Variants in CRACDL observed in about 807,000 individuals in gnomAD.
CRACDL encodes CRACD-like protein.
CRACDL carries 26 observed loss-of-function variants against 70.6 expected under a neutral mutation model. The ratio of observed to expected loss-of-function variants is 0.37; its 90% confidence interval spans 0.27 to 0.51. The LOEUF (loss-of-function observed/expected upper bound fraction) is 0.51, where lower values mean the gene tolerates loss of function less well. CRACDL is among the 20% of genes least tolerant of loss of function. The probability of loss-of-function intolerance (pLI) is 0.94; values close to 1 mark genes in which losing one functional copy is unlikely to be tolerated. For missense variants in CRACDL, 1,283 were observed against 1,376.9 expected, an observed-to-expected ratio of 0.93 and a Z score of 1.08; for synonymous variants, 618 against 615.2, an observed-to-expected ratio of 1.00 and a Z score of -0.07.
rs1361209305 is a variant in CRACDL, at chr2:98,823,106, C to T, written c.1167G>A (p.Glu389=). The change falls in exon 7 of 10, where the codon GAG becomes GAA. Residue 389 remains glutamate (E), a synonymous_variant. Coordinates refer to ENST00000397899, the MANE Select transcript of CRACDL (RefSeq NM_207362.3). The surrounding 1 kb of genome is among the most constrained non-coding windows in gnomAD (Gnocchi z 4.0). ...GPCAPATDKA[E]EVVCAPEDVA... ...CGTCTTCGGGAGCACAGACCACCTC[C>T]TCCGCCTTGTCCGTGGCCGGGGCAC... 6.3e-7 allele frequency: 1 copy of T among 1,578,654 alleles called. No individual in the cohort carries two copies. The highest frequency in any genetic ancestry group is 1.2e-5 in the South Asian group (1 of 86,894).
At position 98,832,435 on chromosome 2, in the gene CRACDL, G is replaced by T; in HGVS notation, c.453C>A (p.Ala151=). ...GCCCGTCGTCCTCAGAGCTCATGCC[G>T]GCATCCTCTCCCCGCTTGGCAGGAA... is the stretch of plus-strand genomic sequence containing the variant. ...GGLPAKRGED[A]GMSSEDDGLP... Residue 151 remains alanine (A), a synonymous_variant, in exon 5 of 10, where the codon GCC becomes GCA. Coordinates refer to ENST00000397899, the MANE Select transcript of CRACDL (RefSeq NM_207362.3). 6.2e-7 allele frequency: 1 copy of T among 1,614,074 alleles called. No individual in the cohort carries two copies.
intron 1 of CRACDL, among the ~76,000 whole-genome samples, chr2:98,858,967 A>G (rs1276115589): frequency 6.6e-6 from 1 of 152,250 alleles, no homozygotes; most frequent in Non-Finnish European, 1.5e-5. Flanking sequence ...GAATAGACTT[A>G]TAATAAGAAA....
At chr2:98,872,313 G>A (rs1471313654) in intron 1 of CRACDL, among the ~76,000 whole-genome samples, 5 of 152,180 alleles carry the variant, frequency 3.3e-5, no homozygotes, top group East Asian at 1.9e-4. Flanking sequence ...AGCTGAGATC[G>A]CACCACTGCA....
chr2:98,834,212 T>C (rs1324858024), intron 3 of CRACDL, among the ~76,000 whole-genome samples: 1 of 152,088 alleles, frequency 6.6e-6, no homozygotes, highest in Admixed American at 6.5e-5. Flanking sequence ...TTGGATGTAA[T>C]GAGGAGTGGA....
chr2:98,921,138 G>A (rs1039957826), intron 1 of CRACDL, among the ~76,000 whole-genome samples: 1 of 152,210 alleles, frequency 6.6e-6, no homozygotes, highest in African/African-American at 2.4e-5. Context: ...TGGGAGCCCC[G>A]TCTTGGAAAT....
intron 1 of CRACDL, among the ~76,000 whole-genome samples, chr2:98,920,646 A>T (rs1054537955): frequency 6.6e-6 from 1 of 151,904 alleles, no homozygotes; most frequent in Non-Finnish European, 1.5e-5. Context: ...AAGCCTCCCC[A>T]TACTTCCCTG....
At position 98,823,535 on chromosome 2, in the gene CRACDL, G is replaced by T. The variant is rs369975254; in HGVS notation, c.738C>A (p.Arg246=). The change falls in exon 7 of 10, where the codon CGC becomes CGA. Residue 246 remains arginine (R), a splice_region_variant and synonymous_variant. Coordinates refer to ENST00000397899, the MANE Select transcript of CRACDL (RefSeq NM_207362.3). This position sits in a 1 kb window ranked among gnomAD's most constrained non-coding sequence, Gnocchi z 4.0. ...RSSKMRRLSS[R]AQSESLSDLT... ...GGTCGCTCAGGGATTCAGACTGAGC[G>T]CGCTGAGAGAAATAAAGATAAAAAG... The T allele has an allele frequency of 3.8e-6, 6 of 1,573,480 alleles. No homozygotes were observed. Among genetic ancestry groups the T allele is most frequent in the Non-Finnish European group, 5.1e-6 (6 of 1,167,528 alleles).
At chr2:98,894,327 T>A (rs186926034) in intron 1 of CRACDL, among the ~76,000 whole-genome samples, 16 of 152,252 alleles carry the variant, frequency 1.1e-4, no homozygotes, top group East Asian at 1.9e-4. Flanking sequence ...AGAGGCCACA[T>A]GAGGAAGAGC....
At chr2:98,872,522 A>G (rs2104600174) in intron 1 of CRACDL, among the ~76,000 whole-genome samples, 1 of 152,354 alleles carries the variant, frequency 6.6e-6, no homozygotes, top group Middle Eastern at 3.4e-3. Flanking sequence ...TGGGAACACT[A>G]GAAGCCCAAA....
chr2:98,920,577 C>T (rs1044374345), intron 1 of CRACDL, among the ~76,000 whole-genome samples: 1 of 152,072 alleles, frequency 6.6e-6, no homozygotes, highest in South Asian at 2.1e-4. Flanking sequence ...CTCCAGCACC[C>T]GTCCAGTCCC....
intron 1 of CRACDL, among the ~76,000 whole-genome samples, chr2:98,849,039 A>G (rs6733011): frequency 0.61 from 92,484 of 152,114 alleles, 29,536 homozygotes; most frequent in African/African-American, 0.8. Context: ...CGTGGTTCCC[A>G]CCTCTTGCAG....
At chr2:98,816,853 G>T (rs1037822991) in intron 7 of CRACDL, among the ~76,000 whole-genome samples, 1 of 152,182 alleles carries the variant, frequency 6.6e-6, no homozygotes, top group African/African-American at 2.4e-5. Flanking sequence ...ACATATGTGG[G>T]TATATACCCA....
chr2:98,854,851 GA>G (rs1706633607), intron 1 of CRACDL, among the ~76,000 whole-genome samples: 1 of 152,180 alleles, frequency 6.6e-6, no homozygotes, highest in Non-Finnish European at 1.5e-5. Flanking sequence ...AGCAATATAT[GA>G]TCCAGGACTG....
At chr2:98,850,633 C>T (rs564406939) in intron 1 of CRACDL, among the ~76,000 whole-genome samples, 10 of 152,306 alleles carry the variant, frequency 6.6e-5, no homozygotes, top group African/African-American at 2.4e-4. Context: ...TTAAAGAAAA[C>T]TTACTCTTTA....
At chr2:98,811,947 G>T (rs1277701622) in intron 7 of CRACDL, among the ~76,000 whole-genome samples, 1 of 152,162 alleles carries the variant, frequency 6.6e-6, no homozygotes, top group Non-Finnish European at 1.5e-5. Flanking sequence ...AGTTACATGT[G>T]GGTTGTTTCC....
chr2:98,896,488 C>A (rs1331942522), intron 1 of CRACDL, among the ~76,000 whole-genome samples: 1 of 152,212 alleles, frequency 6.6e-6, no homozygotes, highest in Non-Finnish European at 1.5e-5. Context: ...CCTACATTCA[C>A]CTTAAGGGGC....
At chr2:98,857,012 C>CT (rs1251855971) in intron 1 of CRACDL, among the ~76,000 whole-genome samples, 1 of 152,152 alleles carries the variant, frequency 6.6e-6, no homozygotes, top group East Asian at 1.9e-4. Flanking sequence ...AGTCTGCTCC[C>CT]TAGGAGCTCC....
At chr2:98,842,306 T>G (rs1297773627) in intron 2 of CRACDL, among the ~76,000 whole-genome samples, 1 of 151,816 alleles carries the variant, frequency 6.6e-6, no homozygotes, top group Non-Finnish European at 1.5e-5. Context: ...TAATTACATT[T>G]ATTTTACATA....
chr2:98,814,772 C>T (rs1006832797), intron 7 of CRACDL, among the ~76,000 whole-genome samples: 3 of 152,092 alleles, frequency 2.0e-5, no homozygotes, highest in African/African-American at 7.2e-5. Flanking sequence ...CAGAGGAGTG[C>T]TAAAGTCTCT....
Sources: gnomAD v4.1 joint callset for allele counts (sites outside exome capture counted in the v4.1 genomes callset) on GRCh38, gnomAD v4.1.1 for gene constraint, Gnocchi (gnomAD v3.1) non-coding constraint, MANE v1.5 for transcripts, NCBI Gene and HGNC (gene_info 2026-07-23, HGNC 2026-07-21) for gene names.